The following CAPN5 variants were observed in gnomAD, a reference collection of about 807,000 sequenced individuals.
CAPN5 encodes calpain-5.
CAPN5 carries 54 observed loss-of-function variants against 73.0 expected under a neutral mutation model. That is an observed-to-expected ratio of 0.74 (90% CI 0.59 to 0.93). The LOEUF is 0.93. Ranked by LOEUF, CAPN5 falls within the 40% of genes least tolerant of loss-of-function variation. The pLI, the probability that CAPN5 is intolerant of heterozygous loss-of-function variation, is 0.00. For synonymous variants in CAPN5, 335 were observed against 356.9 expected, an observed-to-expected ratio of 0.94 and a Z score of 0.69; for missense variants, 785 against 882.9, an observed-to-expected ratio of 0.89 and a Z score of 1.41.
chr11:77,072,541 G>T (rs1949919302), intron 1 of CAPN5, among the ~76,000 whole-genome samples: 1 of 152,212 alleles, frequency 6.6e-6, no homozygotes, highest in Non-Finnish European at 1.5e-5. Context: ...CTGCCCGAGG[G>T]AGGGGTGGTG....
At chr11:77,118,645 C>T (rs1289059165) in intron 8 of CAPN5, among the ~76,000 whole-genome samples, 2 of 152,240 alleles carry the variant, frequency 1.3e-5, no homozygotes, top group Non-Finnish European at 2.9e-5. Flanking sequence ...GAGCCAGGGA[C>T]TCAGCCCCTT....
At chr11:77,107,349 G>A (rs577624348) in intron 3 of CAPN5, among the ~76,000 whole-genome samples, 4 of 152,304 alleles carry the variant, frequency 2.6e-5, no homozygotes, top group South Asian at 2.1e-4. Context: ...CAGCCCTGGC[G>A]GCGTGGCTCA....
intron 2 of CAPN5, among the ~76,000 whole-genome samples, chr11:77,088,489 T>C (rs1049909328): frequency 2.6e-5 from 4 of 151,656 alleles, no homozygotes; most frequent in Non-Finnish European, 4.4e-5. Flanking sequence ...CCTTGAAGGG[T>C]GCGGACTGCC....
rs186771698 is a variant in CAPN5, at chr11:77,122,665, A to C, written c.1693A>C (p.Lys565Gln). The C allele has an allele frequency of 1.4e-4, 232 of 1,613,910 alleles. No homozygotes were observed. The East Asian group carries it at 4.9e-3, about 34-fold the overall frequency. Residue 565 changes from lysine (K) to glutamine (Q), a missense_variant, in exon 12 of 13, where the codon AAA (lysine) becomes CAA (glutamine). By Grantham distance (53) the Lys-to-Gln change is moderately conservative. Transcript: ENST00000648180. ...KGTSTPEYNV[K>Q]GIFYRKKLSQ... ...CACCTCCACACCAGAGTACAATGTGAAAGGCATCTTCTACCGCAAGAAGCT... is the reference window on the plus strand; with the variant it reads ...CACCTCCACACCAGAGTACAATGTGCAAGGCATCTTCTACCGCAAGAAGCT...
rs544924587 is a variant in CAPN5 at position 77,107,280 on chromosome 11, C to T, written c.298-5309C>T. Among the ~76,000 whole-genome samples, 39 of 152,312 alleles carry T rather than the reference C, an allele frequency of 2.6e-4. No individual in the cohort carries two copies. The East Asian group carries it at 3.1e-3, about 12-fold the overall frequency. ...CTAGTTTTGAGGACTCACAAAGGCC[C>T]GTGGCTTACCTTACCCAGCTTGGGT... On this transcript the variant is annotated intron_variant, in intron 3 of 12. Coordinates refer to ENST00000648180, the MANE Select transcript of CAPN5 (RefSeq NM_004055.5).
At chr11:77,087,818 A>G in intron 2 of CAPN5, 1 of 1,325,178 alleles carries the variant, frequency 7.5e-7, no homozygotes, top group Non-Finnish European at 1.0e-6. Flanking sequence ...CTTGGTTGGG[A>G]CATCCCATCT....
At chr11:77,109,152 T>A (rs944538691) in intron 3 of CAPN5, among the ~76,000 whole-genome samples, 1 of 152,262 alleles carries the variant, frequency 6.6e-6, no homozygotes. Context: ...GGGCACATCA[T>A]GGCTAGTTAT....
rs782492041 is a variant in CAPN5 at position 77,114,327 on chromosome 11, G to C, written c.592G>C (p.Asp198His). 7.4e-6 allele frequency: 12 copies of C among 1,614,152 alleles called. No individual in the cohort carries two copies. In the South Asian group the frequency reaches 1.2e-4, roughly 16 times the overall value. The part of the protein sequence containing the change: ...DFTGGVSEPI[D>H]LTEGDFANDE... ...CACGGGTGGTGTTTCTGAGCCCATC[G>C]ACCTGACCGAGGGTGACTTTGCCAA... is the stretch of plus-strand genomic sequence containing the variant. Residue 198 changes from aspartate (D) to histidine (H), a missense_variant, in exon 5 of 13, where the codon GAC (aspartate) becomes CAC (histidine). Coordinates refer to ENST00000648180, the MANE Select transcript of CAPN5 (RefSeq NM_004055.5).
rs117863475 is a variant in CAPN5, at chr11:77,092,706, G to C, written c.166-976G>C. ...AAAATAAAAATGGAGGCTGGGCGCA[G>C]TGGCTTATGCCTGTAATTCCAGCAC... On this transcript the variant is annotated intron_variant, in intron 2 of 12. Coordinates refer to ENST00000648180, the MANE Select transcript of CAPN5 (RefSeq NM_004055.5). Among the ~76,000 whole-genome samples the C allele has an allele frequency of 3.6e-3, 554 of 152,400 alleles. 2 individuals are homozygous for C. The highest frequency in any genetic ancestry group is 6.3e-3 in the Non-Finnish European group (429 of 68,048).
In CAPN5 at chr11:77,071,721, G is replaced by T. The variant is rs562223689; in HGVS notation, c.-36+4627G>T. ...ATGTTGCCCAGCCTGACATCTTGGG[G>T]CTCTGGTTCACCCTCTGCCTGGGTA... On this transcript the variant is annotated intron_variant, in intron 1 of 12. Transcript: ENST00000648180. 5 of 431,502 alleles carry T rather than the reference G, an allele frequency of 1.2e-5. No individual in the cohort carries two copies. In the Admixed American group the frequency reaches 1.2e-4, roughly 10 times the overall value. 26.7% of individuals were successfully genotyped at this position (431,502 alleles called of 1,614,324 possible).
intron 6 of CAPN5, 57 bp downstream of exon 6, chr11:77,115,645 G>T: frequency 6.8e-7 from 1 of 1,473,634 alleles, no homozygotes; most frequent in African/African-American, 1.4e-5. Context: ...ACAAGGACGG[G>T]TGGGCTTCTT....
chr11:77,116,172 G>A lies in CAPN5; in HGVS notation c.894-54G>A, dbSNP rs759951214. 141 of 1,519,558 alleles carry A rather than the reference G, an allele frequency of 9.3e-5. No individual in the cohort carries two copies. The East Asian group carries it at 2.4e-3, about 26-fold the overall frequency. The allele number at this position is 1,519,558 out of a possible 1,614,324, so 94.1% of individuals were successfully genotyped here. The stretch of plus-strand genomic sequence containing the variant: ...CCTCGCCTTTGCCAGACAGATTCTG[G>A]TGGGGCTGCCTCTTAGACAGCTCCC... On this transcript the variant is annotated intron_variant, in intron 6 of 12. Coordinates refer to ENST00000648180, the MANE Select transcript of CAPN5 (RefSeq NM_004055.5).
intron 1 of CAPN5, among the ~76,000 whole-genome samples, chr11:77,077,311 C>T (rs1949981446): frequency 6.6e-6 from 1 of 152,002 alleles, no homozygotes; most frequent in African/African-American, 2.4e-5. Context: ...GAGCCGAGAT[C>T]ATGCCATTGC....
chr11:77,099,646 T>G (rs1244713304), intron 3 of CAPN5, among the ~76,000 whole-genome samples: 10 of 150,718 alleles, frequency 6.6e-5, no homozygotes, highest in Admixed American at 2.6e-4. Flanking sequence ...GCAGGGAGGT[T>G]GCAGTGAGCC....
intron 3 of CAPN5, among the ~76,000 whole-genome samples, chr11:77,096,046 G>A (rs966494437): frequency 4.0e-5 from 6 of 151,462 alleles, no homozygotes; most frequent in Middle Eastern, 3.4e-3. Flanking sequence ...TGCGCCTTCC[G>A]TCCCTCGTCC....
At chr11:77,092,020 G>A (rs575373508) in intron 2 of CAPN5, among the ~76,000 whole-genome samples, 3 of 152,202 alleles carry the variant, frequency 2.0e-5, no homozygotes, top group Non-Finnish European at 4.4e-5. Flanking sequence ...AGGAGTTTGA[G>A]ACCAGCCTGG....
At chr11:77,084,688 T>C (rs1950062867) in intron 1 of CAPN5, among the ~76,000 whole-genome samples, 164 bp from the exon 2 acceptor site, 3 of 152,110 alleles carry the variant, frequency 2.0e-5, no homozygotes, top group Admixed American at 2.0e-4. Context: ...GGCCGGTCGG[T>C]GTCTGTCCCA....
intron 3 of CAPN5, among the ~76,000 whole-genome samples, chr11:77,100,451 C>G (rs968509514): frequency 1.3e-5 from 2 of 152,042 alleles, no homozygotes. Context: ...CTCAAGCTCC[C>G]GTCACAACTG....
intron 3 of CAPN5, among the ~76,000 whole-genome samples, chr11:77,102,110 T>C (rs1172864138): frequency 1.3e-5 from 2 of 152,152 alleles, no homozygotes; most frequent in African/African-American, 4.8e-5. Flanking sequence ...CCAGGAGTTC[T>C]GGGAGGGGGT....
Sources: allele counts gnomAD v4.1 joint callset (sites outside exome capture counted in the v4.1 genomes callset), GRCh38; gene constraint gnomAD v4.1.1; transcripts MANE v1.5; gene names NCBI Gene and HGNC (gene_info 2026-07-23, HGNC 2026-07-21).